Variants in MYT1L observed in about 807,000 individuals in gnomAD.
MYT1L encodes the protein myelin transcription factor 1 like, also known as myelin transcription factor 1-like protein.
A neutral mutation model predicts 126.7 loss-of-function variants in MYT1L; 12 were observed. The observed-to-expected ratio is 0.09, with a 90% confidence interval of 0.06 to 0.15. MYT1L has a LOEUF of 0.15. Ranked by LOEUF, MYT1L falls within the 10% of genes least tolerant of loss-of-function variation. The pLI, the probability that MYT1L is intolerant of heterozygous loss-of-function variation, is 1.00. For synonymous variants in MYT1L, 541 were observed against 604.2 expected, an observed-to-expected ratio of 0.90 and a Z score of 1.53; for missense variants, 979 against 1,585.2, an observed-to-expected ratio of 0.62 and a Z score of 6.49.
chr2:2,277,968 G>A (rs893992046), intron 2 of MYT1L, among the ~76,000 whole-genome samples: 1 of 152,178 alleles, frequency 6.6e-6, no homozygotes, highest in East Asian at 1.9e-4. Context: ...AGAAAAGTCA[G>A]TATTAAGTTA....
intron 3 of MYT1L, among the ~76,000 whole-genome samples, chr2:2,129,296 TAA>T (rs1375032445): frequency 1.3e-5 from 2 of 152,226 alleles, no homozygotes; most frequent in East Asian, 3.9e-4. Context: ...CTTGGAAAAA[TAA>T]AGATATGATA....
At chr2:2,267,010 C>G (rs1024944147) in intron 2 of MYT1L, among the ~76,000 whole-genome samples, 1 of 152,180 alleles carries the variant, frequency 6.6e-6, no homozygotes, top group African/African-American at 2.4e-5. Flanking sequence ...CTAAGGAGTA[C>G]GTGGAGAGTG....
chr2:2,312,836 G>T (rs1055178346), intron 1 of MYT1L, among the ~76,000 whole-genome samples: 5 of 152,064 alleles, frequency 3.3e-5, no homozygotes, highest in South Asian at 2.1e-4. Context: ...GTAAGCTGGG[G>T]TGTGGAGAAA....
chr2:1,856,637 T>C (rs934419518), intron 18 of MYT1L, among the ~76,000 whole-genome samples: 1 of 152,342 alleles, frequency 6.6e-6, no homozygotes, highest in East Asian at 1.9e-4. Flanking sequence ...CAGTTATTCA[T>C]ACGAATGTCT....
intron 14 of MYT1L, among the ~76,000 whole-genome samples, chr2:1,892,997 G>C (rs2049111795): frequency 6.6e-6 from 1 of 152,186 alleles, no homozygotes; most frequent in African/African-American, 2.4e-5. Flanking sequence ...CGAAACACCT[G>C]AGTGGCCACT....
At chr2:1,958,175 G>A (rs73188451) in intron 8 of MYT1L, among the ~76,000 whole-genome samples, 7,539 of 152,210 alleles carry the variant, frequency 0.05, 562 homozygotes, top group African/African-American at 0.16. Context: ...TCATGTCTGC[G>A]CAGAAAACTT....
Position 1,979,395 on chromosome 2 carries a change from T to C in MYT1L, c.89+126A>G. 8.8e-7 allele frequency: 1 copy of C among 1,142,170 alleles called. No individual in the cohort carries two copies. Among genetic ancestry groups the C allele is most frequent in the South Asian group, 1.3e-5 (1 of 79,702 alleles). 70.8% of individuals were successfully genotyped at this position (1,142,170 alleles called of 1,614,324 possible). On this transcript the variant is annotated intron_variant, in intron 7 of 24. Transcript: ENST00000647738. The surrounding 1 kb of genome is among the most constrained non-coding windows in gnomAD (Gnocchi z 4.0). ...TTTTTACGAGCAAGTCTCGGGGGAA[T>C]TAATTTCATCAGTGCAGCAGGGCGT...
rs555776895 is a variant in MYT1L, at chr2:2,301,416, C to T, written c.-520-16913G>A. Among the ~76,000 whole-genome samples the T allele has an allele frequency of 2.0e-5, 3 of 152,302 alleles. No individual in the cohort carries two copies. In the South Asian group the frequency reaches 6.2e-4, roughly 32 times the overall value. On this transcript the variant is annotated intron_variant, in intron 1 of 24. Transcript: ENST00000647738. ...TCACTTTATTAGAAAGCATTCAACT[C>T]ACCTTTTTCAGCCTTATTATGTGTC...
At chr2:2,212,451 A>G (rs941278802) in intron 2 of MYT1L, among the ~76,000 whole-genome samples, 3 of 152,224 alleles carry the variant, frequency 2.0e-5, no homozygotes, top group Non-Finnish European at 2.9e-5. Context: ...CAAATGTTAT[A>G]TATGTAACAC....
chr2:2,275,030 A>T (rs984817045), intron 2 of MYT1L, among the ~76,000 whole-genome samples: 6 of 152,226 alleles, frequency 3.9e-5, no homozygotes, highest in African/African-American at 1.4e-4. Flanking sequence ...CCAGAGCATG[A>T]GCAAGTGCGG....
At chr2:2,304,474 T>G (rs546910156) in intron 1 of MYT1L, among the ~76,000 whole-genome samples, 1 of 152,190 alleles carries the variant, frequency 6.6e-6, no homozygotes, top group African/African-American at 2.4e-5. Context: ...CCAAGTGTCT[T>G]GTCTGTGCTA....
At chr2:1,891,685 G>C (rs949375695) in intron 15 of MYT1L, among the ~76,000 whole-genome samples, 42 of 152,260 alleles carry the variant, frequency 2.8e-4, no homozygotes, top group African/African-American at 9.6e-4. Context: ...GGAGACCCAC[G>C]CTTCGTTTTG....
In MYT1L at chr2:1,894,257, G is replaced by C. The variant is rs57869049; in HGVS notation, c.2033-1970C>G. The stretch of plus-strand genomic sequence containing the variant: ...TGCCCCTCCTCTAGGGAGCCCAGCA[G>C]TGCAGGGCGGGGTGGGCAGTGGCTG... On this transcript the variant is annotated intron_variant, in intron 14 of 24. Coordinates refer to ENST00000647738, the MANE Select transcript of MYT1L (RefSeq NM_001303052.2). Among the ~76,000 whole-genome samples the C allele has an allele frequency of 2.4e-3, 373 of 152,298 alleles. 4 individuals carry two copies. The East Asian group carries it at 0.042, about 17-fold the overall frequency.
At chr2:2,065,623 C>T (rs949636427) in intron 3 of MYT1L, among the ~76,000 whole-genome samples, 2 of 152,190 alleles carry the variant, frequency 1.3e-5, no homozygotes, top group African/African-American at 4.8e-5. Flanking sequence ...GTCTACCCCG[C>T]ACTTCTCAGT....
intron 2 of MYT1L, among the ~76,000 whole-genome samples, chr2:2,239,532 G>C (rs2094395037): frequency 1.3e-5 from 2 of 152,200 alleles, no homozygotes; most frequent in Non-Finnish European, 2.9e-5. Context: ...TTGTTTGAAA[G>C]GAATAGCTTC....
At chr2:2,147,311 T>G (rs1383379573) in intron 3 of MYT1L, among the ~76,000 whole-genome samples, 1 of 152,138 alleles carries the variant, frequency 6.6e-6, no homozygotes, top group Non-Finnish European at 1.5e-5. Context: ...TCAGGATGCA[T>G]CCATAAATAT....
At chr2:2,006,806 G>A (rs901371534) in intron 4 of MYT1L, among the ~76,000 whole-genome samples, 1 of 151,752 alleles carries the variant, frequency 6.6e-6, no homozygotes, top group Non-Finnish European at 1.5e-5. Flanking sequence ...CAAGTCCTGA[G>A]CTCAAATGAT....
intron 23 of MYT1L, among the ~76,000 whole-genome samples, chr2:1,797,036 G>A (rs1420309123): frequency 1.3e-5 from 2 of 152,204 alleles, no homozygotes; most frequent in Non-Finnish European, 2.9e-5. Context: ...GAACTGAGTT[G>A]AATCGGATGA....
At chr2:2,266,891 A>T (rs1189257446) in intron 2 of MYT1L, among the ~76,000 whole-genome samples, 2 of 152,154 alleles carry the variant, frequency 1.3e-5, no homozygotes, top group Non-Finnish European at 2.9e-5. Context: ...CATGATTGTG[A>T]GGCCTCCCAC....
Sources: gnomAD v4.1 joint callset for allele counts (sites outside exome capture counted in the v4.1 genomes callset) on GRCh38, gnomAD v4.1.1 for gene constraint, Gnocchi (gnomAD v3.1) non-coding constraint, MANE v1.5 for transcripts, NCBI Gene and HGNC (gene_info 2026-07-23, HGNC 2026-07-21) for gene names.